Variants in MAN2A1 observed in about 807,000 individuals in gnomAD.
MAN2A1 encodes alpha-mannosidase 2.
A neutral mutation model predicts 142.6 loss-of-function variants in MAN2A1; 76 were observed. The ratio of observed to expected loss-of-function variants is 0.53; its 90% CI spans 0.44 to 0.65. The LOEUF (loss-of-function observed/expected upper bound fraction) is 0.65. Among genes scored for constraint, MAN2A1 ranks in the 30% least tolerant of loss-of-function variants. The pLI, the probability that MAN2A1 is intolerant of heterozygous loss-of-function variation, is 0.00. For missense variants in MAN2A1, 1,311 were observed against 1,365.1 expected, an observed-to-expected ratio of 0.96 and a Z score of 0.62; for synonymous variants, 559 against 473.2, an observed-to-expected ratio of 1.18 and a Z score of -2.35.
intron 16 of MAN2A1, among the ~76,000 whole-genome samples, chr5:109,841,472 A>C (rs1315805203): frequency 6.6e-6 from 1 of 152,180 alleles, no homozygotes; most frequent in Non-Finnish European, 1.5e-5. Context: ...AAATGCCATT[A>C]ATTCATTCCT....
chr5:109,710,632 G>C (rs1751273184), intron 1 of MAN2A1, among the ~76,000 whole-genome samples: 1 of 151,906 alleles, frequency 6.6e-6, no homozygotes, highest in Admixed American at 6.6e-5. Context: ...AGCCTTCCGA[G>C]TATCTGGGAC....
At chr5:109,788,781 G>A (rs1181299565) in intron 10 of MAN2A1, among the ~76,000 whole-genome samples, 153 bp from the exon 11 acceptor site, 1 of 151,670 alleles carries the variant, frequency 6.6e-6, no homozygotes, top group African/African-American at 2.4e-5. Context: ...AGTTCTAGGG[G>A]AAAAAAGAGC....
chr5:109,861,617 C>G (rs1254110745), intron 20 of MAN2A1, among the ~76,000 whole-genome samples: 1 of 152,120 alleles, frequency 6.6e-6, no homozygotes, highest in Non-Finnish European at 1.5e-5. Flanking sequence ...TATTTTCATC[C>G]CATCTTACAG....
chr5:109,755,222 A>G (rs1478338925), intron 4 of MAN2A1, 107 bp from the exon 5 acceptor site: 25 of 845,614 alleles, frequency 3.0e-5, no homozygotes, highest in Non-Finnish European at 4.4e-5. Context: ...ACTAGTATAC[A>G]TACTGGTTAT....
chr5:109,852,628 C>T (rs1038740710), intron 19 of MAN2A1, among the ~76,000 whole-genome samples: 5 of 152,184 alleles, frequency 3.3e-5, no homozygotes, highest in Non-Finnish European at 7.3e-5. Flanking sequence ...TAATGTCAGA[C>T]AGGCTGCAGA....
intron 1 of MAN2A1, among the ~76,000 whole-genome samples, chr5:109,696,107 CT>C (rs755433787): frequency 0.019 from 2,720 of 145,524 alleles, 29 homozygotes; most frequent in Middle Eastern, 0.065. Flanking sequence ...TAGTATATAT[CT>C]TTTTTTTTTT....
chr5:109,825,691 C>A (rs899707898), intron 16 of MAN2A1, among the ~76,000 whole-genome samples: 2 of 151,986 alleles, frequency 1.3e-5, no homozygotes, highest in African/African-American at 4.8e-5. Flanking sequence ...AAATGCTTGT[C>A]ATTTTTCCTT....
intron 12 of MAN2A1, among the ~76,000 whole-genome samples, chr5:109,796,543 A>G (rs1040338640): frequency 8.6e-5 from 13 of 151,880 alleles, no homozygotes; most frequent in African/African-American, 2.9e-4. Flanking sequence ...TTTGCAATCA[A>G]TTTGGAGACT....
In MAN2A1 at chr5:109,759,954, TATATATATATAGATAG is replaced by T. The variant is rs1452713374; in HGVS notation, c.835+4502_835+4517del. 5.5e-3 allele frequency among the ~76,000 whole-genome samples: 159 copies of T among 29,124 alleles called. 2 individuals carry two copies. Among genetic ancestry groups the T allele is most frequent in the Admixed American group, 0.02 (66 of 3,362 alleles). The allele number at this position is 29,124 out of a possible 152,430, so 19.1% of individuals were successfully genotyped here. A position where few individuals can be genotyped will look rare whatever the true frequency, so the allele number is the denominator to read the frequency against. On this transcript the variant is annotated intron_variant, in intron 5 of 21. Transcript: ENST00000261483. Reference sequence around the variant, plus strand: ...TTTTTATTTGAATTGTTGCTATATATATATATATATAGATAGATAGATAGATAGATAGATAGATAGA... The same window carrying T: ...TTTTTATTTGAATTGTTGCTATATATATAGATAGATAGATAGATAGATAGA...
intron 4 of MAN2A1, among the ~76,000 whole-genome samples, chr5:109,742,502 C>G (rs530980011): frequency 3.7e-4 from 56 of 152,276 alleles, no homozygotes; most frequent in Middle Eastern, 3.4e-3. Context: ...TCTCAACTAT[C>G]TCTGCTTGCT....
At chr5:109,722,506 C>T (rs1249963907) in intron 3 of MAN2A1, among the ~76,000 whole-genome samples, 1 of 152,146 alleles carries the variant, frequency 6.6e-6, no homozygotes, top group Non-Finnish European at 1.5e-5. Context: ...CTTCTGCCTC[C>T]CAGGTTCAAG....
Position 109,781,440 on chromosome 5 carries a change from A to G in MAN2A1, c.1419A>G (p.Lys473=). 1 of 1,612,424 alleles carries G rather than the reference A, an allele frequency of 6.2e-7. No homozygotes were observed. Among genetic ancestry groups the G allele is most frequent in the Non-Finnish European group, 8.5e-7 (1 of 1,179,666 alleles). The change falls in exon 9 of 22, where the codon AAA becomes AAG. Residue 473 remains lysine, a synonymous_variant. Transcript: ENST00000261483. Reference sequence around the variant, plus strand: ...CAGATTTTTTTGATGCGCTGGATAAAGCAGATGAAACTCAGAGAGACAAGG... The same window carrying G: ...CAGATTTTTTTGATGCGCTGGATAAGGCAGATGAAACTCAGAGAGACAAGG... ...TLSDFFDALD[K]ADETQRDKGQ...
intron 20 of MAN2A1, among the ~76,000 whole-genome samples, chr5:109,859,224 G>A (rs1416284879): frequency 3.3e-5 from 5 of 152,080 alleles, no homozygotes; most frequent in Middle Eastern, 3.2e-3. Flanking sequence ...GGCCTCAGAG[G>A]GTAGCATTTG....
At chr5:109,761,226 A>G (rs889244488) in intron 5 of MAN2A1, among the ~76,000 whole-genome samples, 1 of 151,644 alleles carries the variant, frequency 6.6e-6, no homozygotes, top group Non-Finnish European at 1.5e-5. Context: ...TTTAGACTAT[A>G]TGTCTGTTTA....
chr5:109,856,157 G>A (rs78057159), intron 20 of MAN2A1, among the ~76,000 whole-genome samples: 2,832 of 152,214 alleles, frequency 0.019, 35 homozygotes, highest in Middle Eastern at 0.071. Context: ...TTATGTCTAA[G>A]ATATAGGAGA....
At chr5:109,782,585 T>G (rs2112668521) in intron 9 of MAN2A1, among the ~76,000 whole-genome samples, 1 of 152,310 alleles carries the variant, frequency 6.6e-6, no homozygotes, top group Non-Finnish European at 1.5e-5. Context: ...ACTTACCGTC[T>G]TTTATATACT....
chr5:109,825,013 A>G (rs1296556718), intron 16 of MAN2A1, among the ~76,000 whole-genome samples: 1 of 152,222 alleles, frequency 6.6e-6, no homozygotes, highest in African/African-American at 2.4e-5. Context: ...TGGGAAAAAT[A>G]ATGCTAGACA....
At chr5:109,728,566 A>G (rs982926171) in intron 3 of MAN2A1, among the ~76,000 whole-genome samples, 5 of 152,168 alleles carry the variant, frequency 3.3e-5, no homozygotes, top group African/African-American at 1.2e-4. Flanking sequence ...TTGGTGTTAA[A>G]AATGTTTCTT....
At chr5:109,789,283 A>G (rs1462289939) in intron 11 of MAN2A1, among the ~76,000 whole-genome samples, 177 bp from the exon 12 acceptor site, 1 of 151,842 alleles carries the variant, frequency 6.6e-6, no homozygotes, top group East Asian at 1.9e-4. Flanking sequence ...TTAGTAAGGC[A>G]ACTGGGGCAT....
Sources: allele counts gnomAD v4.1 joint callset (sites outside exome capture counted in the v4.1 genomes callset), GRCh38; gene constraint gnomAD v4.1.1; transcripts MANE v1.5; gene names NCBI Gene and HGNC (gene_info 2026-07-23, HGNC 2026-07-21).